Variants in NEDD9 observed in about 807,000 individuals in gnomAD.
NEDD9 encodes the protein neural precursor cell expressed, developmentally down-regulated 9.
A neutral mutation model predicts 76.6 loss-of-function variants in NEDD9; 26 were observed. The ratio of observed to expected loss-of-function variants is 0.34; its 90% CI spans 0.25 to 0.47. NEDD9 has a LOEUF of 0.47. NEDD9 is among the 20% of genes least tolerant of loss of function. NEDD9 has a pLI of 1.00. For missense variants in NEDD9, 937 were observed against 1,058.5 expected, an observed-to-expected ratio of 0.89 and a Z score of 1.59; for synonymous variants, 392 against 414.2, an observed-to-expected ratio of 0.95 and a Z score of 0.65.
chr6:11,360,561 A>T (rs1335874920), intron 1 of NEDD9, among the ~76,000 whole-genome samples: 1 of 149,140 alleles, frequency 6.7e-6, no homozygotes, highest in East Asian at 1.9e-4. Flanking sequence ...TTCTCATGAG[A>T]TCTGGTTGGT....
chr6:11,345,939 T>C (rs1025406898), intron 1 of NEDD9, among the ~76,000 whole-genome samples: 9 of 152,224 alleles, frequency 5.9e-5, no homozygotes, highest in African/African-American at 2.2e-4. Flanking sequence ...CTTCTGCACC[T>C]GCTCTGTTTG....
rs1282954838 is a variant in NEDD9 at position 11,356,390 on chromosome 6, CAT to C, written c.-213-21831_-213-21830del. On this transcript the variant is annotated intron_variant, in intron 1 of 3. Coordinates refer to the NEDD9 transcript ENST00000397378. ...ATTTTTACAAAATCTTTGCAGGTGACATACATATAAATTATTCACAAATGTCG... is the reference window on the plus strand; with the variant it reads ...ATTTTTACAAAATCTTTGCAGGTGACACATATAAATTATTCACAAATGTCG... Among the ~76,000 whole-genome samples the C allele has an allele frequency of 2.0e-5, 3 of 152,170 alleles. No homozygotes were observed. In the East Asian group the frequency reaches 5.8e-4, roughly 29 times the overall value.
intron 3 of NEDD9, among the ~76,000 whole-genome samples, chr6:11,291,189 C>G (rs1273794152): frequency 6.6e-6 from 1 of 151,980 alleles, no homozygotes; most frequent in African/African-American, 2.4e-5. Context: ...GCAGCACTAT[C>G]CTCGTGAAGG....
chr6:11,296,226 G>A (rs1395029496), intron 3 of NEDD9, among the ~76,000 whole-genome samples: 6 of 152,122 alleles, frequency 3.9e-5, no homozygotes, highest in Non-Finnish European at 5.9e-5. Context: ...AATTTCTGTT[G>A]TTTAAGCCCC....
chr6:11,209,651 T>C (rs897979541), intron 2 of NEDD9, among the ~76,000 whole-genome samples: 1 of 152,184 alleles, frequency 6.6e-6, no homozygotes, highest in Non-Finnish European at 1.5e-5. Context: ...CGACAGCCTA[T>C]GAAGTAGTTA....
At chr6:11,310,019 G>C (rs895719464) in intron 2 of NEDD9, among the ~76,000 whole-genome samples, 6 of 152,164 alleles carry the variant, frequency 3.9e-5, no homozygotes, top group Admixed American at 1.3e-4. Context: ...ACGCCACTAG[G>C]AGGGCAGCTG....
intron 1 of NEDD9, among the ~76,000 whole-genome samples, chr6:11,337,880 A>G (rs1445806465): frequency 1.3e-5 from 2 of 152,214 alleles, no homozygotes; most frequent in Non-Finnish European, 2.9e-5. Context: ...GCGTTAAAAA[A>G]TATTAAGGTT....
intron 2 of NEDD9, among the ~76,000 whole-genome samples, chr6:11,311,404 A>G (rs970071216): frequency 6.6e-6 from 1 of 152,032 alleles, no homozygotes; most frequent in African/African-American, 2.4e-5. Flanking sequence ...CAAGCCACCA[A>G]CCCTACCGAC....
chr6:11,247,438 T>C (rs984255681), intron 3 of NEDD9, among the ~76,000 whole-genome samples: 40 of 152,250 alleles, frequency 2.6e-4, no homozygotes, highest in Non-Finnish European at 5.1e-4. Flanking sequence ...TTTGTTTTTA[T>C]TGGGACATAA....
intron 2 of NEDD9, among the ~76,000 whole-genome samples, chr6:11,306,623 C>T (rs1189972604): frequency 6.6e-6 from 1 of 152,128 alleles, no homozygotes; most frequent in African/African-American, 2.4e-5. Flanking sequence ...GTTTTCTACT[C>T]TCCCATCCCT....
At chr6:11,319,117 G>A (rs896052012) in intron 2 of NEDD9, among the ~76,000 whole-genome samples, 9 of 152,240 alleles carry the variant, frequency 5.9e-5, no homozygotes, top group Non-Finnish European at 1.3e-4. Flanking sequence ...CAGATGCCAT[G>A]TGGAATATCT....
chr6:11,376,781 A>G (rs1179053863), intron 1 of NEDD9, among the ~76,000 whole-genome samples: 1 of 152,270 alleles, frequency 6.6e-6, no homozygotes, highest in Non-Finnish European at 1.5e-5. Flanking sequence ...AACTAAAAGG[A>G]AGCCAATATC....
At chr6:11,376,534 G>A (rs938110577) in intron 1 of NEDD9, among the ~76,000 whole-genome samples, 1 of 152,182 alleles carries the variant, frequency 6.6e-6, no homozygotes, top group Non-Finnish European at 1.5e-5. Flanking sequence ...GAACTTAAGA[G>A]TGATGACCCA....
At chr6:11,193,566 C>A in intron 3 of NEDD9, 25 bp downstream of exon 3, 1 of 1,575,444 alleles carries the variant, frequency 6.3e-7, no homozygotes, top group East Asian at 2.2e-5. Context: ...CGCTTCTCCT[C>A]TTGTGACCAT....
At chr6:11,186,519 C>T (rs1757984923) in intron 6 of NEDD9, among the ~76,000 whole-genome samples, 1 of 152,230 alleles carries the variant, frequency 6.6e-6, no homozygotes, top group South Asian at 2.1e-4. Context: ...GAGCTTCAGA[C>T]TCAGTTAATC....
intron 2 of NEDD9, among the ~76,000 whole-genome samples, chr6:11,316,011 G>T (rs368189016): frequency 6.6e-6 from 1 of 152,170 alleles, no homozygotes; most frequent in African/African-American, 2.4e-5. Context: ...TGCTGGGCAC[G>T]TGGCTCTGAT....
intron 1 of NEDD9, among the ~76,000 whole-genome samples, chr6:11,355,033 T>C (rs1044498971): frequency 2.0e-5 from 3 of 152,222 alleles, no homozygotes; most frequent in African/African-American, 7.2e-5. Context: ...TTTTGTTTTC[T>C]TTTACTGGCA....
At chr6:11,344,914 A>C (rs1014014501) in intron 1 of NEDD9, among the ~76,000 whole-genome samples, 20 of 152,226 alleles carry the variant, frequency 1.3e-4, no homozygotes, top group African/African-American at 3.6e-4. Flanking sequence ...AAAGAGTCGA[A>C]GTACTCATAC....
intron 2 of NEDD9, among the ~76,000 whole-genome samples, chr6:11,317,775 C>T (rs987500552): frequency 3.3e-5 from 5 of 152,140 alleles, no homozygotes; most frequent in African/African-American, 1.2e-4. Flanking sequence ...GGAAGGCACA[C>T]GTGATAGTTA....
Sources: allele counts gnomAD v4.1 joint callset (sites outside exome capture counted in the v4.1 genomes callset), GRCh38; gene constraint gnomAD v4.1.1; transcripts MANE v1.5; gene names NCBI Gene and HGNC (gene_info 2026-07-23, HGNC 2026-07-21).